The following LRP5 variants were observed in gnomAD, a reference collection of about 807,000 sequenced individuals.
The protein encoded by LRP5 is low-density lipoprotein receptor-related protein 5.
In LRP5, 62 loss-of-function variants were observed where a neutral mutation model predicts 154.1. The ratio of observed to expected loss-of-function variants is 0.40; its 90% CI spans 0.33 to 0.50. The LOEUF (loss-of-function observed/expected upper bound fraction) is 0.50. Ranked by LOEUF, LRP5 falls within the 20% of genes least tolerant of loss-of-function variation. The probability of loss-of-function intolerance (pLI) is 0.55; values close to 1 mark genes in which losing one functional copy is unlikely to be tolerated. For synonymous variants in LRP5, 966 were observed against 1,011.5 expected, an observed-to-expected ratio of 0.96 and a Z score of 0.85; for missense variants, 1,915 against 2,336.7, an observed-to-expected ratio of 0.82 and a Z score of 3.72.
intron 1 of LRP5, among the ~76,000 whole-genome samples, chr11:68,321,058 GTTT>G (rs36049256): frequency 0.12 from 14,128 of 119,532 alleles, 664 homozygotes; most frequent in African/African-American, 0.28. Flanking sequence ...TTCTGTCTGG[GTTT>G]TTTTTTTTTT....
At chr11:68,322,892 C>G (rs2098597505) in intron 1 of LRP5, among the ~76,000 whole-genome samples, 1 of 152,226 alleles carries the variant, frequency 6.6e-6, no homozygotes, top group Middle Eastern at 3.2e-3. Flanking sequence ...CAGTGTACCC[C>G]AAAGGGACTT....
At chr11:68,409,067 A>ATATATATATAT (rs1299244059) in intron 9 of LRP5, among the ~76,000 whole-genome samples, 7 of 44,292 alleles carry the variant, frequency 1.6e-4, no homozygotes, top group African/African-American at 7.0e-4. Flanking sequence ...AAAAAAAAAA[A>ATATATATATAT]AAAAAAATAT....
intron 21 of LRP5, among the ~76,000 whole-genome samples, chr11:68,444,710 A>G (rs928865439): frequency 6.6e-6 from 1 of 151,788 alleles, no homozygotes; most frequent in African/African-American, 2.4e-5. Context: ...ATTTGGGCAG[A>G]ATCTCAAACT....
intron 18 of LRP5, among the ~76,000 whole-genome samples, chr11:68,435,674 T>TTATTCTGTTC (rs1306526567): frequency 2.6e-5 from 4 of 152,178 alleles, no homozygotes; most frequent in African/African-American, 9.7e-5. Flanking sequence ...GGGTCATATT[T>TTATTCTGTTC]TATTCTGTTC....
chr11:68,406,789 C>A lies in LRP5; in HGVS notation c.2067C>A (p.Ile689=). Residue 689 remains isoleucine, a synonymous_variant, in exon 9 of 23, where the codon ATC becomes ATA. Transcript: ENST00000294304. ...ALDFDVSNNH[I]YWTDVSLKTI... The stretch of plus-strand genomic sequence containing the variant: ...ACTTTGATGTGTCCAACAACCACAT[C>A]TACTGGACAGACGTCAGCCTGAAGG... 1 of 1,614,064 alleles carries A rather than the reference C, an allele frequency of 6.2e-7. No homozygotes were observed. The highest frequency in any genetic ancestry group is 8.5e-7 in the Non-Finnish European group (1 of 1,180,024).
chr11:68,370,804 C>G (rs1425450511), intron 5 of LRP5, among the ~76,000 whole-genome samples: 2 of 152,314 alleles, frequency 1.3e-5, no homozygotes, highest in South Asian at 2.1e-4. Context: ...CCGGGAACGT[C>G]CACATGCAGC....
chr11:68,367,596 G>A (rs761002652), intron 5 of LRP5, among the ~76,000 whole-genome samples: 2 of 152,250 alleles, frequency 1.3e-5, no homozygotes, highest in Non-Finnish European at 2.9e-5. Flanking sequence ...TTGGTGAGAA[G>A]AGGCTGAACT....
chr11:68,386,280 C>T lies in LRP5; in HGVS notation c.1016-36C>T, dbSNP rs553075027. On this transcript the variant is annotated intron_variant, in intron 5 of 22. Coordinates refer to ENST00000294304, the MANE Select transcript of LRP5 (RefSeq NM_002335.4). The surrounding 1 kb of genome is among the most constrained non-coding windows in gnomAD (Gnocchi z 7.9). ...GCCTAGACTTGTGCCTGCTGCAGGCCCTTGACCCCTGACCCCATTGCACCT... is the reference window on the plus strand; with the variant it reads ...GCCTAGACTTGTGCCTGCTGCAGGCTCTTGACCCCTGACCCCATTGCACCT... 1.2e-5 allele frequency: 19 copies of T among 1,607,030 alleles called. No homozygotes were observed. In the South Asian group the frequency reaches 2.1e-4, roughly 18 times the overall value.
At chr11:68,309,659 GT>G (rs1299340007), upstream of LRP5, among the ~76,000 whole-genome samples, 1 of 148,198 alleles carries the variant, frequency 6.7e-6, no homozygotes. Context: ...AGAGTCTTTA[GT>G]TTTTCTGTAT....
intron 5 of LRP5, among the ~76,000 whole-genome samples, chr11:68,369,313 G>A (rs985390211): frequency 6.6e-6 from 1 of 152,198 alleles, no homozygotes; most frequent in African/African-American, 2.4e-5. Flanking sequence ...AGGGCCTGGT[G>A]TCTGTTGCCA....
chr11:68,316,866 G>A (rs2153112269), intron 1 of LRP5, among the ~76,000 whole-genome samples: 2 of 152,346 alleles, frequency 1.3e-5, no homozygotes, highest in South Asian at 4.1e-4. Context: ...GGCAGAGTGA[G>A]GGCCAAGTTC....
chr11:68,370,840 G>A (rs2098633654), intron 5 of LRP5, among the ~76,000 whole-genome samples: 1 of 152,236 alleles, frequency 6.6e-6, no homozygotes, highest in Non-Finnish European at 1.5e-5. Context: ...TTTACTCTGA[G>A]CCTGAATCTT....
Position 68,353,889 on chromosome 11 carries a change from G to A in LRP5, c.489-3761G>A, listed in dbSNP as rs999205493. Among the ~76,000 whole-genome samples, 5 of 152,316 alleles carry A rather than the reference G, an allele frequency of 3.3e-5. No homozygotes were observed. In the East Asian group the frequency reaches 5.8e-4, roughly 18 times the overall value. The stretch of plus-strand genomic sequence containing the variant: ...CAGTTTCAGCAATGCAGGTGGCCCC[G>A]TGCGGACATCCAGGCAGGGTTGAGG... On this transcript the variant is annotated intron_variant, in intron 2 of 22. Transcript: ENST00000294304. This position sits in a 1 kb window ranked among gnomAD's most constrained non-coding sequence, Gnocchi z 4.5.
intron 3 of LRP5, among the ~76,000 whole-genome samples, 153 bp downstream of exon 3, chr11:68,358,000 G>T (rs2098624631): frequency 6.6e-6 from 1 of 152,210 alleles, no homozygotes. Flanking sequence ...CAGCGTCAGG[G>T]TCTGTGTGGC....
rs1375703553 is a variant in LRP5 at position 68,406,785 on chromosome 11, A to G, written c.2063A>G (p.His688Arg). ...CTGGACTTTGATGTGTCCAACAACC[A>G]CATCTACTGGACAGACGTCAGCCTG... is the stretch of plus-strand genomic sequence containing the variant. ...SALDFDVSNN[H>R]IYWTDVSLKT... is the part of the protein sequence containing the mutation. Residue 688 changes from histidine to arginine, a missense_variant, in exon 9 of 23, where the codon CAC (histidine) becomes CGC (arginine). His to Arg is a conservative substitution (Grantham distance 29, BLOSUM62 0). Coordinates refer to ENST00000294304, the MANE Select transcript of LRP5 (RefSeq NM_002335.4). 1.9e-6 allele frequency: 3 copies of G among 1,613,924 alleles called. No homozygotes were observed. Among genetic ancestry groups the G allele is most frequent in the Admixed American group, 1.7e-5 (1 of 59,996 alleles).
In LRP5 at chr11:68,413,353, A is replaced by G. The variant is rs2098660672; in HGVS notation, c.2504-336A>G. 6.6e-6 allele frequency among the ~76,000 whole-genome samples: 1 copy of G among 152,180 alleles called. No homozygotes were observed. Among genetic ancestry groups the G allele is most frequent in the Non-Finnish European group, 1.5e-5 (1 of 68,030 alleles). On this transcript the variant is annotated intron_variant, in intron 11 of 22. Transcript: ENST00000294304. The surrounding 1 kb of genome is among the most constrained non-coding windows in gnomAD (Gnocchi z 5.1). ...CCGGATGTTTACTGAGTGCTTGATT[A>G]ATAACATGGAAGGCCTGGTCTCATT...
rs750457614 is a variant in LRP5 at position 68,390,031 on chromosome 11, C to T, written c.1563C>T (p.Asp521=). 2.8e-5 allele frequency: 46 copies of T among 1,614,092 alleles called. No homozygotes were observed. Among genetic ancestry groups the T allele is most frequent in the East Asian group, 8.9e-5 (4 of 44,900 alleles). The change falls in exon 7 of 23, where the codon GAC becomes GAT. Residue 521 remains aspartate (D), a synonymous_variant. Coordinates refer to ENST00000294304, the MANE Select transcript of LRP5 (RefSeq NM_002335.4). The part of the protein sequence containing the change: ...DLQEGKLYWG[D]AKTDKIEVIN... ...AGGAGGGGAAGCTCTACTGGGGAGA[C>T]GCCAAGACAGACAAGATCGAGGTGA... is the stretch of plus-strand genomic sequence containing the variant.
chr11:68,388,967 G>A (rs1364270465), intron 6 of LRP5, among the ~76,000 whole-genome samples: 2 of 152,148 alleles, frequency 1.3e-5, no homozygotes, highest in Non-Finnish European at 2.9e-5. Context: ...GACCGACACC[G>A]ACATTTACCG....
intron 1 of LRP5, among the ~76,000 whole-genome samples, chr11:68,332,673 CG>C (rs920500386): frequency 6.6e-6 from 1 of 152,156 alleles, no homozygotes; most frequent in Non-Finnish European, 1.5e-5. Flanking sequence ...GTGGAGTCTA[CG>C]GGAGACTTGG....
Sources: allele counts gnomAD v4.1 joint callset (sites outside exome capture counted in the v4.1 genomes callset), GRCh38; gene constraint gnomAD v4.1.1; non-coding constraint Gnocchi (gnomAD v3.1); transcripts MANE v1.5; gene names NCBI Gene and HGNC (gene_info 2026-07-23, HGNC 2026-07-21).